The following GPR137 variants were observed in gnomAD, a reference collection of about 807,000 sequenced individuals.
GPR137 encodes the protein G protein-coupled receptor 137.
Under a neutral mutation model 38.9 loss-of-function variants are expected in GPR137, and 20 were observed. The ratio of observed to expected loss-of-function variants is 0.51; its 90% CI spans 0.36 to 0.75. The LOEUF (loss-of-function observed/expected upper bound fraction) is 0.75. GPR137 is among the 30% of genes least tolerant of loss of function. GPR137 has a pLI of 0.00. For missense variants in GPR137, 456 were observed against 526.4 expected (o/e 0.87, Z 1.31); for synonymous variants, 226 against 235.8 (o/e 0.96, Z 0.38).
rs1213269240 is a variant in GPR137 at position 64,286,723 on chromosome 11, C to T, written c.199C>T (p.Leu67=). Residue 67 remains leucine (L), a synonymous_variant, in exon 1 of 7, where the codon CTG becomes TTG. Coordinates refer to ENST00000438980, the MANE Select transcript of GPR137 (RefSeq NM_001170880.2). ...SYQTVFLALC[L]LWAALRTTLF... ...TCAGACGGTGTTCCTGGCCCTCTGT[C>T]TGCTCTGGGCCGCCTTGCGTACCAC... 1.2e-6 allele frequency: 2 copies of T among 1,613,650 alleles called. No individual in the cohort carries two copies. The highest frequency in any genetic ancestry group is 4.5e-5 in the East Asian group (2 of 44,870).
chr11:64,273,839 G>T (rs559776254), upstream of GPR137, among the ~76,000 whole-genome samples: 1 of 110,374 alleles, frequency 9.1e-6, no homozygotes, highest in African/African-American at 3.4e-5. Context: ...CCAAGATCAC[G>T]CCACTGCACC....
At position 64,289,222 on chromosome 11, in the gene GPR137, C is replaced by G. The variant is rs1183505174; in HGVS notation, c.*26C>G. ...TCCCCCTCCCTCCCCCACAGAATAC[C>G]CAGGCCCCAGTCCCCCTCACCCTAG... On this transcript the variant is annotated 3_prime_UTR_variant, in exon 7 of 7. Transcript: ENST00000438980. 2.5e-6 allele frequency: 4 copies of G among 1,608,878 alleles called. No homozygotes were observed. Among genetic ancestry groups the G allele is most frequent in the African/African-American group, 2.7e-5 (2 of 74,830 alleles).
upstream of GPR137, chr11:64,272,651 C>T (rs2032725990): frequency 6.6e-6 from 1 of 152,254 alleles, no homozygotes; most frequent in Admixed American, 6.5e-5. Flanking sequence ...ATCCTCCTAA[C>T]CACCCTGGGA....
At chr11:64,281,341 C>G (rs1565351007), upstream of GPR137, among the ~76,000 whole-genome samples, 1 of 152,210 alleles carries the variant, frequency 6.6e-6, no homozygotes, top group Non-Finnish European at 1.5e-5. Context: ...AGTCCATCAG[C>G]AGATCCTGCC....
upstream of GPR137, among the ~76,000 whole-genome samples, chr11:64,283,142 G>C (rs188283610): frequency 6.6e-6 from 1 of 152,210 alleles, no homozygotes; most frequent in East Asian, 1.9e-4. Flanking sequence ...CCGTAAGAGA[G>C]CGAGGGGAAA....
chr11:64,286,831 G>A lies in GPR137; in HGVS notation c.307G>A (p.Val103Ile), dbSNP rs1457208032. 6.3e-7 allele frequency: 1 copy of A among 1,596,212 alleles called. No homozygotes were observed. The highest frequency in any genetic ancestry group is 8.6e-7 in the Non-Finnish European group (1 of 1,168,544). The change falls in exon 1 of 7, where the codon GTC becomes ATC. Residue 103 changes from valine (V) to isoleucine (I), a missense_variant. Transcript: ENST00000438980. The stretch of plus-strand genomic sequence containing the variant: ...CTTCTGGCTTCTCTACTGCTGCCCC[G>A]TCTGCCTGCAGTTCTTCACCTTGAC... ...LPFWLLYCCP[V>I]CLQFFTLTLM... is the part of the protein sequence containing the mutation.
upstream of GPR137, among the ~76,000 whole-genome samples, chr11:64,274,820 C>CA (rs968135554): frequency 7.1e-4 from 97 of 135,772 alleles, 2 homozygotes; most frequent in South Asian, 5.6e-3. Flanking sequence ...GACTCTGTCT[C>CA]AAAAAAAAAA....
upstream of GPR137, chr11:64,271,794 G>A (rs756609479): frequency 3.3e-5 from 47 of 1,403,998 alleles, no homozygotes; most frequent in Non-Finnish European, 4.3e-5. Context: ...GATCTCCACA[G>A]CCCCAGCGCC....
At chr11:64,284,463 C>T (rs2033715188), upstream of GPR137, 3 of 1,597,392 alleles carry the variant, frequency 1.9e-6, no homozygotes, top group Non-Finnish European at 2.5e-6. Flanking sequence ...CTGGCTTCCT[C>T]TCCCACCGTA....
Position 64,286,499 on chromosome 11 carries a change from C to T in GPR137, c.-26C>T. ...GCCGACAGTCCCTCCTTGTCTGTCT[C>T]CGGGATTCAGGCCTCCCTCCCTGAC... On this transcript the variant is annotated 5_prime_UTR_variant, in exon 1 of 7. Coordinates refer to ENST00000438980, the MANE Select transcript of GPR137 (RefSeq NM_001170880.2). The T allele has an allele frequency of 6.3e-7, 1 of 1,591,386 alleles. No individual in the cohort carries two copies. Among genetic ancestry groups the T allele is most frequent in the South Asian group, 1.1e-5 (1 of 87,562 alleles).
upstream of GPR137, among the ~76,000 whole-genome samples, chr11:64,281,418 T>C (rs1198919286): frequency 6.6e-6 from 1 of 152,236 alleles, no homozygotes; most frequent in African/African-American, 2.4e-5. Context: ...ACTCTCTGAA[T>C]GTCTAAATCT....
At chr11:64,271,894 G>A (rs2032656644), upstream of GPR137, 2 of 1,107,590 alleles carry the variant, frequency 1.8e-6, no homozygotes, top group Admixed American at 4.1e-5. Flanking sequence ...AGCTCTGCAG[G>A]CCCACTCGTG....
upstream of GPR137, chr11:64,284,087 C>G: frequency 7.0e-7 from 1 of 1,437,228 alleles, no homozygotes; most frequent in Non-Finnish European, 9.3e-7. Flanking sequence ...GGGACCGACC[C>G]AAAGCATTCA....
upstream of GPR137, chr11:64,285,072 A>G: frequency 1.8e-6 from 2 of 1,091,620 alleles, no homozygotes; most frequent in South Asian, 2.6e-5. Flanking sequence ...CTGCGGGCGA[A>G]GGCGCTTGGC....
intron 2 of GPR137, chr11:64,287,511 C>T: frequency 1.5e-6 from 1 of 650,424 alleles, no homozygotes; most frequent in Non-Finnish European, 1.9e-6. Context: ...AGACTTCTGA[C>T]TCCAGTTGGT....
In GPR137 at chr11:64,285,938, C is replaced by T. The variant is rs888032912; in HGVS notation, c.-587C>T. 1.4e-5 allele frequency: 14 copies of T among 965,560 alleles called. No individual in the cohort carries two copies. Among genetic ancestry groups the T allele is most frequent in the Non-Finnish European group, 1.7e-5 (14 of 811,936 alleles). 59.8% of individuals were successfully genotyped at this position (965,560 alleles called of 1,614,324 possible). On this transcript the variant is annotated 5_prime_UTR_variant, in exon 1 of 7. Coordinates refer to ENST00000438980, the MANE Select transcript of GPR137 (RefSeq NM_001170880.2). ...CGGCCTGAGGACCTGGCGTCCGCCT[C>T]CTCCCTCCCCTTGAGGCTGGAGCGT...
chr11:64,278,471 G>T (rs1008760008), intron 2 of GPR137, among the ~76,000 whole-genome samples: 7 of 151,658 alleles, frequency 4.6e-5, no homozygotes, highest in Non-Finnish European at 1.0e-4. Context: ...CCTCCTCTGC[G>T]CCAGGCACTG....
chr11:64,278,218 C>T (rs1371073264), intron 2 of GPR137, among the ~76,000 whole-genome samples: 1 of 151,770 alleles, frequency 6.6e-6, no homozygotes. Flanking sequence ...GGCTGGAGCC[C>T]AGAAATTTGA....
upstream of GPR137, among the ~76,000 whole-genome samples, chr11:64,280,648 G>T (rs2033407462): frequency 6.8e-6 from 1 of 147,802 alleles, no homozygotes; most frequent in Non-Finnish European, 1.5e-5. Context: ...ACCGCGCCTG[G>T]CCTAATTTAT....
Sources: allele counts gnomAD v4.1 joint callset (sites outside exome capture counted in the v4.1 genomes callset), GRCh38; gene constraint gnomAD v4.1.1; transcripts MANE v1.5; gene names NCBI Gene and HGNC (gene_info 2026-07-23, HGNC 2026-07-21).